The following BTNL2 variants were observed in gnomAD, a reference collection of about 807,000 sequenced individuals.
BTNL2 encodes the protein butyrophilin-like protein 2.
Under a neutral mutation model 46.8 loss-of-function variants are expected in BTNL2, and 46 were observed. That is an observed-to-expected ratio of 0.98 (90% CI 0.78 to 1.26). The LOEUF is 1.26. BTNL2 is among the 50% of genes most tolerant of loss of function. The pLI is 0.00. For synonymous variants in BTNL2, 226 were observed against 229.1 expected, an observed-to-expected ratio of 0.99 and a Z score of 0.12; for missense variants, 461 against 592.6, an observed-to-expected ratio of 0.78 and a Z score of 2.31.
At position 32,394,081 on chromosome 6, in the gene BTNL2, C is replaced by G; in HGVS notation, c.1361-24G>C. The stretch of plus-strand genomic sequence containing the variant: ...CTCTAAAATGGAAACCCAAGAATCC[C>G]TTGAAACTGTGAAACTGGGACAATA... On this transcript the variant is annotated intron_variant, in intron 6 of 7. Transcript: ENST00000454136. The surrounding 1 kb of genome is among the most constrained non-coding windows in gnomAD (Gnocchi z 4.6). The G allele has an allele frequency of 6.5e-7, 1 of 1,545,410 alleles. No homozygotes were observed. Among genetic ancestry groups the G allele is most frequent in the African/African-American group, 1.4e-5 (1 of 72,980 alleles).
intron 1 of BTNL2, chr6:32,405,658 G>T: frequency 3.4e-6 from 1 of 297,178 alleles, no homozygotes; most frequent in South Asian, 3.4e-5. Flanking sequence ...TTTATTCCTT[G>T]AGTCATTTAT....
chr6:32,394,965 A>AT lies in BTNL2; in HGVS notation c.1138dup (p.Met380AsnfsTer?). 6.2e-7 allele frequency: 1 copy of AT among 1,613,542 alleles called. No homozygotes were observed. ...TGGGAACCACCCATCTGAAGAGCACATCGGCTGCATTTCTCCATCTTCTTG... is the reference window on the plus strand; with the variant it reads ...TGGGAACCACCCATCTGAAGAGCACATTCGGCTGCATTTCTCCATCTTCTTG... On this transcript the variant is annotated frameshift_variant, in exon 6 of 8. Transcript: ENST00000454136. LOFTEE classifies it high-confidence loss of function. The surrounding 1 kb of genome is among the most constrained non-coding windows in gnomAD (Gnocchi z 4.6).
chr6:32,394,939 G>C lies in BTNL2; in HGVS notation c.1165C>G (p.Gln389Glu). 1 of 1,614,196 alleles carries C rather than the reference G, an allele frequency of 6.2e-7. No individual in the cohort carries two copies. Among genetic ancestry groups the C allele is most frequent in the Non-Finnish European group, 8.5e-7 (1 of 1,180,010 alleles). The change falls in exon 6 of 8, where the codon CAG becomes GAG. Residue 389 changes from glutamine to glutamate, a missense_variant. By Grantham distance (29) the Gln-to-Glu change is conservative. Transcript: ENST00000454136. This position sits in a 1 kb window ranked among gnomAD's most constrained non-coding sequence, Gnocchi z 4.6. ...ATGTCCCTCCATGGCACGTGGGGCT[G>C]TGGGAACCACCCATCTGAAGAGCAC... ...PMCSSDGWFP[Q>E]PHVPWRDMEG...
rs764169068 is a variant in BTNL2 at position 32,403,077 on chromosome 6, A to G, written c.567T>C (p.Ser189=). ...CATCTTTATCTTGGATGCGATGCTCAGACACGGCCAGCAGCTTCTCTCCCC... is the reference window on the plus strand; with the variant it reads ...CATCTTTATCTTGGATGCGATGCTCGGACACGGCCAGCAGCTTCTCTCCCC... ...DIRGEKLLAV[S]EHRIQDKDGL... is the part of the protein sequence containing the mutation. Residue 189 remains serine, a synonymous_variant, in exon 3 of 8, where the codon TCT becomes TCC. Coordinates refer to ENST00000454136, the MANE Select transcript of BTNL2 (RefSeq NM_001304561.2). The G allele has an allele frequency of 1.2e-6, 2 of 1,612,906 alleles. No individual in the cohort carries two copies. The highest frequency in any genetic ancestry group is 1.7e-6 in the Non-Finnish European group (2 of 1,179,932).
chr6:32,402,974 C>A lies in BTNL2; in HGVS notation c.670G>T (p.Val224Phe), dbSNP rs760675404. The change falls in exon 3 of 8, where the codon GTC (valine) becomes TTC (phenylalanine). Residue 224 changes from valine to phenylalanine, a missense_variant. Physicochemically the swap from Val to Phe is conservative, Grantham distance 50. Coordinates refer to ENST00000454136, the MANE Select transcript of BTNL2 (RefSeq NM_001304561.2). ...ACCGACCCCTTCTCCTCAGTGAGGA[C>A]GGGGTTGTGGACCAAGCAGGACACA... ...ESVSCLVHNP[V>F]LTEEKGSVIS... 3 of 1,613,016 alleles carry A rather than the reference C, an allele frequency of 1.9e-6. No homozygotes were observed. The East Asian group carries it at 6.7e-5, about 36-fold the overall frequency.
At chr6:32,402,743 C>T (rs565880562) in intron 3 of BTNL2, among the ~76,000 whole-genome samples, 192 bp downstream of exon 3, 2,661 of 152,258 alleles carry the variant, frequency 0.017, 78 homozygotes, top group East Asian at 0.11. Context: ...TCAAAAATAA[C>T]GCAGGCGCCA....
At chr6:32,405,622 G>A (rs1007319641) in intron 1 of BTNL2, 26 of 331,122 alleles carry the variant, frequency 7.9e-5, no homozygotes, top group African/African-American at 5.5e-4. Context: ...AGCATACCTG[G>A]GTTGTTTTTA....
intron 1 of BTNL2, chr6:32,405,548 A>G (rs1251294219): frequency 2.0e-6 from 1 of 496,330 alleles, no homozygotes; most frequent in Non-Finnish European, 3.7e-6. Context: ...TGGCAAATCT[A>G]TTACTCTTGG....
chr6:32,394,045 G>A lies in BTNL2; in HGVS notation c.1373C>T (p.Thr458Met), dbSNP rs750305652. The stretch of plus-strand genomic sequence containing the variant: ...AACAAGCAGTGTTTTCCACAAAAAC[G>A]TCATCCTGGACTCTAAAATGGAAAC... Reference protein sequence around the residue: ...ATFSLSESRMTFLWKTLLVWG... With the variant: ...ATFSLSESRMMFLWKTLLVWG... The change falls in exon 7 of 8, where the codon ACG (threonine) becomes ATG (methionine). Residue 458 changes from threonine to methionine, a missense_variant. By Grantham distance (81) the Thr-to-Met change is moderately conservative. Coordinates refer to ENST00000454136, the MANE Select transcript of BTNL2 (RefSeq NM_001304561.2). The surrounding 1 kb of genome is among the most constrained non-coding windows in gnomAD (Gnocchi z 4.6). The A allele has an allele frequency of 9.9e-5, 153 of 1,550,036 alleles. 4 individuals are homozygous for A. The Admixed American group carries it at 1.5e-3, about 15-fold the overall frequency.
rs1776271438 is a variant in BTNL2, at chr6:32,393,883, T to C, written c.*6+80A>G. The C allele has an allele frequency of 6.7e-7, 1 of 1,498,162 alleles. No individual in the cohort carries two copies. The highest frequency in any genetic ancestry group is 1.4e-5 in the African/African-American group (1 of 71,030). The allele number at this position is 1,498,162 out of a possible 1,614,324, so 92.8% of individuals were successfully genotyped here. A position where few individuals can be genotyped will look rare whatever the true frequency, so the allele number is the denominator to read the frequency against. ...CACTGACTGCCTCCCATAGGTGACT[T>C]GTGAAAAGGGAGGCTCGGGGAAGTA... is the stretch of plus-strand genomic sequence containing the variant. On this transcript the variant is annotated intron_variant, in intron 7 of 7. Transcript: ENST00000454136. The surrounding 1 kb of genome is among the most constrained non-coding windows in gnomAD (Gnocchi z 4.8).
intron 4 of BTNL2, among the ~76,000 whole-genome samples, chr6:32,400,410 G>C (rs917791052): frequency 2.6e-5 from 4 of 152,124 alleles, no homozygotes; most frequent in Non-Finnish European, 5.9e-5. Context: ...GATGGAAAGA[G>C]CACATAAGGG....
At chr6:32,405,570 G>T in intron 1 of BTNL2, 1 of 441,766 alleles carries the variant, frequency 2.3e-6, no homozygotes. Flanking sequence ...AAGATTTTGA[G>T]ATTTGAAGTC....
rs770265817 is a variant in BTNL2, at chr6:32,394,712, C to T, written c.1360+32G>A. On this transcript the variant is annotated intron_variant, in intron 6 of 7. Transcript: ENST00000454136. The surrounding 1 kb of genome is among the most constrained non-coding windows in gnomAD (Gnocchi z 4.6). ...CTGAGTTGGTCTTCATATTTATTTT[C>T]CAAACCTGAAGGAACATAAGGAATC... 6.0e-5 allele frequency: 95 copies of T among 1,585,444 alleles called. No individual in the cohort carries two copies. The highest frequency in any genetic ancestry group is 3.4e-4 in the Middle Eastern group (2 of 5,948).
At chr6:32,398,462 A>G (rs1776574231) in intron 4 of BTNL2, among the ~76,000 whole-genome samples, 1 of 152,218 alleles carries the variant, frequency 6.6e-6, no homozygotes, top group African/African-American at 2.4e-5. Context: ...ATTTTACCTA[A>G]AACAATATTA....
chr6:32,394,647 T>TA lies in BTNL2; in HGVS notation c.1360+96dup, dbSNP rs1382483643. ...GGAGACCTCGTCAGAGATCAGCAAA[T>TA]AAAAATCACAAAGGAAGAAGAGCAA... On this transcript the variant is annotated intron_variant, in intron 6 of 7. Transcript: ENST00000454136. This position sits in a 1 kb window ranked among gnomAD's most constrained non-coding sequence, Gnocchi z 4.6. The TA allele has an allele frequency of 1.4e-6, 2 of 1,414,412 alleles. No homozygotes were observed. Among genetic ancestry groups the TA allele is most frequent in the Non-Finnish European group, 1.9e-6 (2 of 1,038,212 alleles). The allele number at this position is 1,414,412 out of a possible 1,614,324, so 87.6% of individuals were successfully genotyped here.
At position 32,394,133 on chromosome 6, in the gene BTNL2, G is replaced by A; in HGVS notation, c.1361-76C>T. 1 of 1,524,778 alleles carries A rather than the reference G, an allele frequency of 6.6e-7. No homozygotes were observed. The highest frequency in any genetic ancestry group is 8.8e-7 in the Non-Finnish European group (1 of 1,132,972). 94.5% of individuals were successfully genotyped at this position (1,524,778 alleles called of 1,614,324 possible). A position where few individuals can be genotyped will look rare whatever the true frequency, so the allele number is the denominator to read the frequency against. On this transcript the variant is annotated intron_variant, in intron 6 of 7. Coordinates refer to ENST00000454136, the MANE Select transcript of BTNL2 (RefSeq NM_001304561.2). The surrounding 1 kb of genome is among the most constrained non-coding windows in gnomAD (Gnocchi z 4.6). ...TAAGATTGTACTTTTCATCTGAGCA[G>A]CTTCTAGGCTGGAGAGAAGGGAGAG... is the stretch of plus-strand genomic sequence containing the variant.
At position 32,393,537 on chromosome 6, in the gene BTNL2, G is replaced by A. The variant is rs577099461; in HGVS notation, c.*7-148C>T. Reference sequence around the variant, plus strand: ...ACACAAAACAGCCTCCCTAACACATGAGAAGTCACCAGCAACACAGAAATC... The same window carrying A: ...ACACAAAACAGCCTCCCTAACACATAAGAAGTCACCAGCAACACAGAAATC... On this transcript the variant is annotated intron_variant, in intron 7 of 7. Transcript: ENST00000454136. This position sits in a 1 kb window ranked among gnomAD's most constrained non-coding sequence, Gnocchi z 4.8. The A allele has an allele frequency of 1.3e-5, 2 of 154,570 alleles. No homozygotes were observed. Among genetic ancestry groups the A allele is most frequent in the Admixed American group, 6.5e-5 (1 of 15,356 alleles). 9.6% of individuals were successfully genotyped at this position (154,570 alleles called of 1,614,324 possible).
intron 4 of BTNL2, 38 bp downstream of exon 4, chr6:32,401,747 G>T: frequency 1.3e-6 from 2 of 1,586,954 alleles, no homozygotes. Flanking sequence ...GAGGGCAGAG[G>T]CTCCCTCCAC....
intron 1 of BTNL2, 119 bp from the exon 2 acceptor site, chr6:32,405,405 A>G: frequency 1.1e-6 from 1 of 945,870 alleles, no homozygotes; most frequent in South Asian, 1.4e-5. Context: ...TATATGTTTA[A>G]TGTTTTAGAG....
Sources: gnomAD v4.1 joint callset for allele counts (sites outside exome capture counted in the v4.1 genomes callset) on GRCh38, gnomAD v4.1.1 for gene constraint, Gnocchi (gnomAD v3.1) non-coding constraint, MANE v1.5 for transcripts, NCBI Gene and HGNC (gene_info 2026-07-23, HGNC 2026-07-21) for gene names.